AUTS2: variants seen among roughly 807,000 people sequenced by gnomAD.
The protein encoded by AUTS2 is autism susceptibility gene 2 protein.
Under a neutral mutation model 112.4 loss-of-function variants are expected in AUTS2, and 17 were observed. That is an observed-to-expected ratio of 0.15 (90% CI 0.10 to 0.23). The LOEUF (loss-of-function observed/expected upper bound fraction) is 0.23. Ranked by LOEUF, AUTS2 falls within the 10% of genes least tolerant of loss-of-function variation. The pLI is 1.00. For missense variants in AUTS2, 1,510 were observed against 1,701.6 expected (o/e 0.89, Z 1.98); for synonymous variants, 751 against 702.7 (o/e 1.07, Z -1.09).
chr7:70,317,380 A>G (rs1002261046), intron 4 of AUTS2, among the ~76,000 whole-genome samples: 2 of 152,198 alleles, frequency 1.3e-5, no homozygotes, highest in Non-Finnish European at 2.9e-5. Flanking sequence ...TCGTCCAACA[A>G]TATTACAGGA....
At chr7:70,244,592 TG>T (rs776417423) in intron 4 of AUTS2, among the ~76,000 whole-genome samples, 18 of 152,202 alleles carry the variant, frequency 1.2e-4, no homozygotes, top group Non-Finnish European at 2.2e-4. Flanking sequence ...ACAGCAGTTC[TG>T]TGAATGACTA....
In AUTS2 at chr7:70,040,049, T is replaced by C. The variant is rs572009772; in HGVS notation, c.523-78083T>C. Among the ~76,000 whole-genome samples, 10 of 152,096 alleles carry C rather than the reference T, an allele frequency of 6.6e-5. No individual in the cohort carries two copies. In the South Asian group the frequency reaches 2.1e-3, roughly 32 times the overall value. On this transcript the variant is annotated intron_variant, in intron 2 of 18. Transcript: ENST00000342771. Reference sequence around the variant, plus strand: ...TTATGGAGACAGAAAAAATGATCAGTGGTTGCTAGGAGTTGGGGAGAGGGA... The same window carrying C: ...TTATGGAGACAGAAAAAATGATCAGCGGTTGCTAGGAGTTGGGGAGAGGGA...
intron 18 of AUTS2, 34 bp downstream of exon 18, chr7:70,787,465 G>T (rs1382288291): frequency 6.7e-7 from 1 of 1,489,388 alleles, no homozygotes; most frequent in East Asian, 2.3e-5. Context: ...GTCCCCACGG[G>T]GGAGCCTGCT....
chr7:69,665,868 G>T (rs1796008486), intron 1 of AUTS2, among the ~76,000 whole-genome samples: 1 of 151,958 alleles, frequency 6.6e-6, no homozygotes, highest in Non-Finnish European at 1.5e-5. Flanking sequence ...CATTTCTTCA[G>T]GCTCTCTTGA....
At chr7:70,789,103 C>T (rs889722948) in intron 18 of AUTS2, among the ~76,000 whole-genome samples, 1 of 152,192 alleles carries the variant, frequency 6.6e-6, no homozygotes, top group Non-Finnish European at 1.5e-5. Context: ...GCTTTCTTAT[C>T]CCATCTGGTG....
intron 2 of AUTS2, among the ~76,000 whole-genome samples, chr7:70,004,103 A>T (rs201300157): frequency 8.0e-6 from 1 of 125,048 alleles, no homozygotes; most frequent in African/African-American, 2.9e-5. Flanking sequence ...AATATATATA[A>T]TATATATGAA....
At chr7:70,183,375 C>T (rs1809424516) in intron 4 of AUTS2, among the ~76,000 whole-genome samples, 1 of 151,960 alleles carries the variant, frequency 6.6e-6, no homozygotes, top group Non-Finnish European at 1.5e-5. Context: ...CTAGCATTGC[C>T]ACTATTTTAT....
intron 1 of AUTS2, among the ~76,000 whole-genome samples, chr7:69,829,542 G>GA (rs1016991207): frequency 4.0e-5 from 6 of 151,890 alleles, no homozygotes; most frequent in African/African-American, 1.5e-4. Flanking sequence ...AAATTTACAA[G>GA]AAAAAAACAC....
intron 5 of AUTS2, among the ~76,000 whole-genome samples, chr7:70,537,855 C>A (rs945776423): frequency 4.6e-5 from 7 of 152,136 alleles, no homozygotes; most frequent in Non-Finnish European, 1.0e-4. Flanking sequence ...TCTTGAGAAA[C>A]CTGACTGCCG....
At chr7:70,313,623 T>A (rs957432523) in intron 4 of AUTS2, among the ~76,000 whole-genome samples, 1 of 152,236 alleles carries the variant, frequency 6.6e-6, no homozygotes, top group Non-Finnish European at 1.5e-5. Flanking sequence ...ATGGATGAAC[T>A]CACAGTAGTT....
chr7:69,775,398 C>T (rs1244248055), intron 1 of AUTS2, among the ~76,000 whole-genome samples: 2 of 152,178 alleles, frequency 1.3e-5, no homozygotes, highest in African/African-American at 4.8e-5. Context: ...CTCCCATTGG[C>T]CTCACTTTAA....
At chr7:69,845,403 C>T (rs1415144670) in intron 1 of AUTS2, among the ~76,000 whole-genome samples, 2 of 152,098 alleles carry the variant, frequency 1.3e-5, no homozygotes, top group Non-Finnish European at 2.9e-5. Flanking sequence ...TGCTTGATTT[C>T]CTGAGGCTCG....
chr7:70,410,321 A>C (rs1461164585), intron 4 of AUTS2, among the ~76,000 whole-genome samples: 1 of 152,160 alleles, frequency 6.6e-6, no homozygotes, highest in African/African-American at 2.4e-5. Context: ...ATGTTGCCTC[A>C]CAGTCATAAG....
intron 4 of AUTS2, among the ~76,000 whole-genome samples, chr7:70,210,518 A>T (rs922052479): frequency 1.3e-5 from 2 of 152,216 alleles, no homozygotes; most frequent in Non-Finnish European, 2.9e-5. Context: ...ATTTCCTATT[A>T]CCAGCAAAGG....
At chr7:70,311,827 G>A (rs932735973) in intron 4 of AUTS2, among the ~76,000 whole-genome samples, 5 of 152,052 alleles carry the variant, frequency 3.3e-5, no homozygotes, top group South Asian at 2.1e-4. Context: ...CACTGTTCTC[G>A]TGCCTCAGCT....
chr7:70,785,569 G>A, intron 16 of AUTS2: 1 of 455,564 alleles, frequency 2.2e-6, no homozygotes. Context: ...CATATCATAG[G>A]CACGCCCTCA....
rs1792083245 is a variant in AUTS2, at chr7:70,793,374, G to GCTTTTTCTCT, written c.*2384_*2393dup. 6.6e-6 allele frequency: 1 copy of GCTTTTTCTCT among 151,816 alleles called. No individual in the cohort carries two copies. Among genetic ancestry groups the GCTTTTTCTCT allele is most frequent in the South Asian group, 2.1e-4 (1 of 4,824 alleles). The allele number at this position is 151,816 out of a possible 1,614,324, so 9.4% of individuals were successfully genotyped here. A position where few individuals can be genotyped will look rare whatever the true frequency, so the allele number is the denominator to read the frequency against. ...TTCCAGATTTTTTTTTCCTGTCTTA[G>GCTTTTTCTCT]CTTTTTCTCTCTTTTAATTACGTGG... On this transcript the variant is annotated 3_prime_UTR_variant, in exon 19 of 19. Coordinates refer to ENST00000342771, the MANE Select transcript of AUTS2 (RefSeq NM_015570.4).
rs139145156 is a variant in AUTS2, at chr7:69,982,258, A to G, written c.522+82760A>G. 7.9e-3 allele frequency among the ~76,000 whole-genome samples: 1,208 copies of G among 152,288 alleles called. 11 individuals are homozygous for G. Among genetic ancestry groups the G allele is most frequent in the Middle Eastern group, 0.027 (8 of 294 alleles). On this transcript the variant is annotated intron_variant, in intron 2 of 18. Coordinates refer to ENST00000342771, the MANE Select transcript of AUTS2 (RefSeq NM_015570.4). Reference sequence around the variant, plus strand: ...TGCTCTGCTATATTCTCTTTCAGAAAGCTGAGTAGCTCAGCACAGTGAATA... The same window carrying G: ...TGCTCTGCTATATTCTCTTTCAGAAGGCTGAGTAGCTCAGCACAGTGAATA...
At chr7:70,284,018 A>G (rs1788344083) in intron 4 of AUTS2, among the ~76,000 whole-genome samples, 1 of 152,148 alleles carries the variant, frequency 6.6e-6, no homozygotes, top group Admixed American at 6.6e-5. Context: ...CTCATCTTGG[A>G]TTACCTCTCT....
Sources: gnomAD v4.1 joint callset for allele counts (sites outside exome capture counted in the v4.1 genomes callset) on GRCh38, gnomAD v4.1.1 for gene constraint, MANE v1.5 for transcripts, NCBI Gene and HGNC (gene_info 2026-07-23, HGNC 2026-07-21) for gene names.